GULP1: variants seen among roughly 807,000 people sequenced by gnomAD.
GULP1 encodes PTB domain-containing engulfment adapter protein 1.
Under a neutral mutation model 40.9 loss-of-function variants are expected in GULP1, and 19 were observed. The observed-to-expected ratio is 0.46, with a 90% CI of 0.32 to 0.68. GULP1 has a LOEUF of 0.68. Among genes scored for constraint, GULP1 ranks in the 30% least tolerant of loss-of-function variants. The probability of loss-of-function intolerance (pLI) is 0.03; values close to 1 mark genes in which losing one functional copy is unlikely to be tolerated. For missense variants in GULP1, 312 were observed against 362.2 expected (o/e 0.86, Z 1.12); for synonymous variants, 119 against 117.6 (o/e 1.01, Z -0.08).
intron 1 of GULP1, among the ~76,000 whole-genome samples, chr2:188,371,723 C>T (rs1373673611): frequency 1.3e-5 from 2 of 152,082 alleles, no homozygotes; most frequent in Admixed American, 6.6e-5. Flanking sequence ...AGGCTGACAT[C>T]TATTATAACA....
chr2:188,443,481 GAA>G (rs947802255), intron 2 of GULP1, among the ~76,000 whole-genome samples: 3 of 151,026 alleles, frequency 2.0e-5, no homozygotes, highest in Admixed American at 6.6e-5. Context: ...TTCACCATAA[GAA>G]AAAAAAGAGT....
At chr2:188,471,070 C>A (rs546436805) in intron 2 of GULP1, among the ~76,000 whole-genome samples, 2 of 152,070 alleles carry the variant, frequency 1.3e-5, no homozygotes, top group East Asian at 1.9e-4. Context: ...TTGTTATATC[C>A]TCTTGCTGAA....
intron 4 of GULP1, among the ~76,000 whole-genome samples, chr2:188,512,645 C>G (rs562465852): frequency 6.6e-6 from 1 of 152,130 alleles, no homozygotes; most frequent in Non-Finnish European, 1.5e-5. Context: ...CATATGATGT[C>G]CAACACTGCT....
intron 2 of GULP1, among the ~76,000 whole-genome samples, chr2:188,448,290 G>A (rs1304482824): frequency 6.6e-6 from 1 of 151,958 alleles, no homozygotes; most frequent in Non-Finnish European, 1.5e-5. Context: ...AATCAATCAG[G>A]ATCTGTATTA....
chr2:188,401,078 T>C (rs538332293), intron 2 of GULP1, among the ~76,000 whole-genome samples: 1 of 152,194 alleles, frequency 6.6e-6, no homozygotes, highest in Non-Finnish European at 1.5e-5. Flanking sequence ...TCTAGTGGCC[T>C]GTATGAGACT....
chr2:188,304,324 CTCTAA>C (rs962221588), intron 1 of GULP1, among the ~76,000 whole-genome samples: 3 of 152,128 alleles, frequency 2.0e-5, no homozygotes, highest in African/African-American at 7.2e-5. Context: ...CATAAGATTT[CTCTAA>C]TCTATTTTCT....
intron 2 of GULP1, among the ~76,000 whole-genome samples, chr2:188,393,863 C>T (rs1449162405): frequency 6.6e-6 from 1 of 152,134 alleles, no homozygotes; most frequent in Non-Finnish European, 1.5e-5. Flanking sequence ...GTCCCTCCTG[C>T]CTGGTAAGGT....
intron 1 of GULP1, among the ~76,000 whole-genome samples, chr2:188,322,980 G>A (rs528907358): frequency 1.3e-5 from 2 of 152,128 alleles, no homozygotes; most frequent in East Asian, 1.9e-4. Flanking sequence ...TCTGCACTGT[G>A]CTTATGTTCT....
At chr2:188,295,353 C>T (rs370845099) in intron 1 of GULP1, among the ~76,000 whole-genome samples, 43 of 152,216 alleles carry the variant, frequency 2.8e-4, no homozygotes, top group African/African-American at 8.7e-4. Flanking sequence ...CATGCATCAT[C>T]GGGCCTGTAT....
intron 1 of GULP1, among the ~76,000 whole-genome samples, chr2:188,316,037 C>T (rs551149561): frequency 6.6e-6 from 1 of 151,840 alleles, no homozygotes; most frequent in South Asian, 2.1e-4. Flanking sequence ...GTAATGATGG[C>T]GATTACCATT....
chr2:188,294,698 C>T (rs2034541578), intron 1 of GULP1, among the ~76,000 whole-genome samples: 1 of 152,096 alleles, frequency 6.6e-6, no homozygotes, highest in African/African-American at 2.4e-5. Context: ...TGTGAATCAC[C>T]CTCAGCCAAA....
intron 6 of GULP1, among the ~76,000 whole-genome samples, chr2:188,536,726 C>T (rs1263373924): frequency 1.3e-5 from 2 of 152,088 alleles, no homozygotes; most frequent in Non-Finnish European, 2.9e-5. Context: ...TGAAAAATGG[C>T]ATTGGCCATT....
At chr2:188,394,116 G>A (rs537867271) in intron 2 of GULP1, among the ~76,000 whole-genome samples, 11 of 151,926 alleles carry the variant, frequency 7.2e-5, no homozygotes, top group African/African-American at 2.7e-4. Flanking sequence ...CTCAAAATAA[G>A]TTTTCCAAGC....
chr2:188,368,937 G>GTATATATATA, intron 1 of GULP1, among the ~76,000 whole-genome samples: 1 of 30,422 alleles, frequency 3.3e-5, no homozygotes, highest in Non-Finnish European at 5.6e-5. Context: ...ATATATATGT[G>GTATATATATA]TGTATATATA....
chr2:188,466,021 G>C (rs1234856484), intron 2 of GULP1, among the ~76,000 whole-genome samples: 4 of 151,714 alleles, frequency 2.6e-5, no homozygotes, highest in African/African-American at 7.3e-5. Context: ...TGTCCTCACT[G>C]GGGGGACAAT....
intron 2 of GULP1, among the ~76,000 whole-genome samples, chr2:188,409,189 T>A (rs1384831687): frequency 6.6e-6 from 1 of 152,002 alleles, no homozygotes; most frequent in Non-Finnish European, 1.5e-5. Context: ...AGCAACAAAC[T>A]AAGAGTTGTT....
intron 4 of GULP1, among the ~76,000 whole-genome samples, chr2:188,484,013 TC>T (rs1559294171): frequency 6.6e-6 from 1 of 152,072 alleles, no homozygotes; most frequent in African/African-American, 2.4e-5. Flanking sequence ...AACCTCCATC[TC>T]CTGGGTTCAA....
chr2:188,392,439 G>T (rs943336793), intron 2 of GULP1, among the ~76,000 whole-genome samples: 1 of 151,852 alleles, frequency 6.6e-6, no homozygotes, highest in Non-Finnish European at 1.5e-5. Flanking sequence ...AGTGTTGTTG[G>T]TTATAATGTC....
At chr2:188,557,418 C>G (rs1046857486) in intron 7 of GULP1, among the ~76,000 whole-genome samples, 1 of 152,152 alleles carries the variant, frequency 6.6e-6, no homozygotes, top group African/African-American at 2.4e-5. Flanking sequence ...AAAGGAGATA[C>G]AGGCCTCACA....
Sources: gnomAD v4.1 joint callset for allele counts (sites outside exome capture counted in the v4.1 genomes callset) on GRCh38, gnomAD v4.1.1 for gene constraint, MANE v1.5 for transcripts, NCBI Gene and HGNC (gene_info 2026-07-23, HGNC 2026-07-21) for gene names.